The following DMTN variants were observed in gnomAD, a reference collection of about 807,000 sequenced individuals.
The protein encoded by DMTN is dematin actin binding protein.
DMTN carries 27 observed loss-of-function variants against 59.4 expected under a neutral mutation model. The observed-to-expected ratio is 0.45, with a 90% CI of 0.33 to 0.63. The LOEUF (loss-of-function observed/expected upper bound fraction) is 0.63, where lower values mean the gene tolerates loss of function less well. DMTN is among the 20% of genes least tolerant of loss of function. The pLI, the probability that DMTN is intolerant of heterozygous loss-of-function variation, is 0.02. For synonymous variants in DMTN, 221 were observed against 203.7 expected (o/e 1.08, Z -0.72); for missense variants, 451 against 528.9 (o/e 0.85, Z 1.45).
At chr8:22,076,948 G>C (rs1820312616) in intron 10 of DMTN, among the ~76,000 whole-genome samples, 1 of 152,104 alleles carries the variant, frequency 6.6e-6, no homozygotes, top group Non-Finnish European at 1.5e-5. Flanking sequence ...GAGACTTGGT[G>C]AGAATGGCGA....
chr8:22,060,111 C>A lies in DMTN; in HGVS notation c.-172+2975C>A, dbSNP rs537670138. On this transcript the variant is annotated intron_variant, in intron 1 of 15. Coordinates refer to ENST00000358242, the MANE Select transcript of DMTN (RefSeq NM_001387751.1). The surrounding 1 kb of genome is among the most constrained non-coding windows in gnomAD (Gnocchi z 5.0). ...CCAGGGGCAGCTGAGCTGTCCCTTCCGTCACCTGGACCTGCCTTCCTCTGT... is the reference window on the plus strand; with the variant it reads ...CCAGGGGCAGCTGAGCTGTCCCTTCAGTCACCTGGACCTGCCTTCCTCTGT... Among the ~76,000 whole-genome samples, 3 of 152,284 alleles carry A rather than the reference C, an allele frequency of 2.0e-5. No individual in the cohort carries two copies. In the South Asian group the frequency reaches 6.2e-4, roughly 32 times the overall value.
intron 1 of DMTN, among the ~76,000 whole-genome samples, chr8:22,065,240 C>T (rs1340630403): frequency 6.6e-6 from 1 of 152,156 alleles, no homozygotes; most frequent in Non-Finnish European, 1.5e-5. Context: ...CCCTATGTTG[C>T]CCGGGCTGGC....
At chr8:22,061,219 G>A (rs1230159172) in intron 1 of DMTN, among the ~76,000 whole-genome samples, 1 of 151,006 alleles carries the variant, frequency 6.6e-6, no homozygotes, top group Non-Finnish European at 1.5e-5. Flanking sequence ...GGAGGTCAAG[G>A]CTGCAGTGAG....
chr8:22,067,450 C>T, intron 3 of DMTN, 77 bp from the exon 4 acceptor site: 2 of 1,566,246 alleles, frequency 1.3e-6, no homozygotes, highest in Non-Finnish European at 1.7e-6. Flanking sequence ...TGGTAATTGA[C>T]GTAAGTCTAG....
At chr8:22,055,826 C>A (rs1161940463), upstream of DMTN, among the ~76,000 whole-genome samples, 1 of 152,180 alleles carries the variant, frequency 6.6e-6, no homozygotes, top group African/African-American at 2.4e-5. Flanking sequence ...AAGCCCCTCC[C>A]CCTGTGCTTC....
intron 1 of DMTN, among the ~76,000 whole-genome samples, chr8:22,064,676 T>C (rs957131867): frequency 2.0e-5 from 3 of 152,202 alleles, no homozygotes; most frequent in Admixed American, 6.5e-5. Context: ...GCCAGGATGG[T>C]CTCAGTCTCC....
chr8:22,055,550 T>C (rs945021094), upstream of DMTN: 10 of 152,284 alleles, frequency 6.6e-5, no homozygotes, highest in Admixed American at 1.3e-4. Flanking sequence ...TTCTGCCACA[T>C]TGAAGGTATG....
At chr8:22,079,273 A>ATATATATATATATATATATATATATAT (rs1554562329) in intron 10 of DMTN, among the ~76,000 whole-genome samples, 1 of 28,568 alleles carries the variant, frequency 3.5e-5, no homozygotes. Context: ...TAAATAAATA[A>ATATATATATATATATATATATATATAT]ATAAATATAT....
At chr8:22,079,277 A>AATAAATATATATATATATAT (rs71204534) in intron 10 of DMTN, among the ~76,000 whole-genome samples, 1 of 27,672 alleles carries the variant, frequency 3.6e-5, no homozygotes, top group African/African-American at 1.2e-4. Flanking sequence ...TAAATAAATA[A>AATAAATATATATATATATAT]ATATATATAT....
intron 1 of DMTN, among the ~76,000 whole-genome samples, chr8:22,064,287 A>T (rs1306894577): frequency 6.6e-6 from 1 of 152,282 alleles, no homozygotes; most frequent in African/African-American, 2.4e-5. Context: ...TAAACAAAGT[A>T]AAGATAAGAG....
At position 22,080,878 on chromosome 8, in the gene DMTN, G is replaced by C; in HGVS notation, c.1023+8G>C. On this transcript the variant is annotated splice_region_variant and intron_variant, in intron 14 of 15. Coordinates refer to ENST00000358242, the MANE Select transcript of DMTN (RefSeq NM_001387751.1). ...TGTGTGCTGGAGCAGAAGGTGAGGG[G>C]CAGGGGACACAAGCGCCTGTAGCGG... 1 of 1,562,606 alleles carries C rather than the reference G, an allele frequency of 6.4e-7. No homozygotes were observed. The highest frequency in any genetic ancestry group is 8.7e-7 in the Non-Finnish European group (1 of 1,152,338).
rs752765448 is a variant in DMTN at position 22,081,485 on chromosome 8, C to T, written c.*22C>T. ...CTGATGGCCCCCACCTGCTCCGGGA[C>T]GGCCCCCTTACCCCTGCTGCTTCAG... On this transcript the variant is annotated 3_prime_UTR_variant, in exon 16 of 16. Transcript: ENST00000358242. 1.6e-5 allele frequency: 25 copies of T among 1,604,422 alleles called. No individual in the cohort carries two copies. The highest frequency in any genetic ancestry group is 1.3e-4 in the East Asian group (6 of 44,824).
At chr8:22,052,728 T>C (rs952844023), upstream of DMTN, among the ~76,000 whole-genome samples, 6 of 152,098 alleles carry the variant, frequency 3.9e-5, no homozygotes, top group Admixed American at 1.3e-4. Flanking sequence ...ATAAGAATTA[T>C]TGGGAATAAG....
chr8:22,055,257 G>T (rs531199696), upstream of DMTN, among the ~76,000 whole-genome samples: 1 of 152,136 alleles, frequency 6.6e-6, no homozygotes, highest in South Asian at 2.1e-4. Flanking sequence ...GGGGCCTGGT[G>T]GGGGAGGGGC....
upstream of DMTN, among the ~76,000 whole-genome samples, chr8:22,052,804 CCTT>C (rs1801484462): frequency 6.6e-6 from 1 of 152,110 alleles, no homozygotes; most frequent in East Asian, 1.9e-4. Context: ...TGCTTGCAAT[CCTT>C]CTTTAGGGCA....
chr8:22,051,691 C>A (rs1016963237), upstream of DMTN, among the ~76,000 whole-genome samples: 2 of 152,182 alleles, frequency 1.3e-5, no homozygotes, highest in African/African-American at 4.8e-5. Context: ...CCACCGCCTC[C>A]TTGCGCGTGA....
chr8:22,060,309 G>A lies in DMTN; in HGVS notation c.-172+3173G>A, dbSNP rs1192582875. 2.0e-5 allele frequency among the ~76,000 whole-genome samples: 3 copies of A among 152,124 alleles called. No homozygotes were observed. Among genetic ancestry groups the A allele is most frequent in the Non-Finnish European group, 2.9e-5 (2 of 68,020 alleles). The stretch of plus-strand genomic sequence containing the variant: ...TGGAGTGAGCTGGCACTTGACCTGC[G>A]AGAAATGAGCTTTGATGGAAAGGGC... On this transcript the variant is annotated intron_variant, in intron 1 of 15. Transcript: ENST00000358242. The surrounding 1 kb of genome is among the most constrained non-coding windows in gnomAD (Gnocchi z 5.0).
upstream of DMTN, among the ~76,000 whole-genome samples, chr8:22,050,297 G>C (rs876648): frequency 0.024 from 3,587 of 152,174 alleles, 131 homozygotes; most frequent in African/African-American, 0.081. Flanking sequence ...CTGGACTTTG[G>C]GGGGTGGCTG....
In DMTN at chr8:22,081,815, G is replaced by T. The variant is rs1004382734; in HGVS notation, c.*352G>T. 8.3e-6 allele frequency: 4 copies of T among 484,348 alleles called. No homozygotes were observed. The highest frequency in any genetic ancestry group is 1.6e-5 in the Non-Finnish European group (4 of 245,650). 30.0% of individuals were successfully genotyped at this position (484,348 alleles called of 1,614,324 possible). On this transcript the variant is annotated 3_prime_UTR_variant, in exon 16 of 16. Transcript: ENST00000358242. Reference sequence around the variant, plus strand: ...GCCGGTTGGCTGTCTTGAACAGCTGGAGGGAAGATGCAGGGGTGGGAAGCG... The same window carrying T: ...GCCGGTTGGCTGTCTTGAACAGCTGTAGGGAAGATGCAGGGGTGGGAAGCG...
Sources: allele counts gnomAD v4.1 joint callset (sites outside exome capture counted in the v4.1 genomes callset), GRCh38; gene constraint gnomAD v4.1.1; non-coding constraint Gnocchi (gnomAD v3.1); transcripts MANE v1.5; gene names NCBI Gene and HGNC (gene_info 2026-07-23, HGNC 2026-07-21).